The following NUDCD2 variants were observed in gnomAD, a reference collection of about 807,000 sequenced individuals.
The protein encoded by NUDCD2 is nudC domain-containing protein 2.
A neutral mutation model predicts 20.8 loss-of-function variants in NUDCD2; 16 were observed. The observed-to-expected ratio is 0.77, with a 90% CI of 0.52 to 1.17. The LOEUF (loss-of-function observed/expected upper bound fraction) is 1.17. Ranked by LOEUF, NUDCD2 falls within the 50% of genes most tolerant of loss-of-function variation. The pLI is 0.00. For synonymous variants in NUDCD2, 87 were observed against 72.8 expected (o/e 1.20, Z -1.00); for missense variants, 199 against 193.9 (o/e 1.03, Z -0.16).
At chr5:163,458,143 C>T (rs1309858275) in intron 1 of NUDCD2, among the ~76,000 whole-genome samples, 1 of 151,768 alleles carries the variant, frequency 6.6e-6, no homozygotes, top group African/African-American at 2.4e-5. Context: ...CCACCACGCC[C>T]GGCTAATTTT....
intron 1 of NUDCD2, among the ~76,000 whole-genome samples, chr5:163,457,948 G>C (rs977302586): frequency 6.7e-6 from 1 of 149,694 alleles, no homozygotes; most frequent in Non-Finnish European, 1.5e-5. Context: ...ACCACAAGAA[G>C]GGATCTCCTG....
At position 163,451,752 on chromosome 5, in the gene NUDCD2, T is replaced by C. The variant is rs1404643815; in HGVS notation, c.*2215A>G. On this transcript the variant is annotated 3_prime_UTR_variant, in exon 4 of 4. Transcript: ENST00000302764. ...TGAGGAAGACATTCATGTGGGGAGA[T>C]GACCTACAATAGAGAATCAGGCCAG... 6.6e-6 allele frequency: 1 copy of C among 152,096 alleles called. No homozygotes were observed. The highest frequency in any genetic ancestry group is 1.5e-5 in the Non-Finnish European group (1 of 68,054). 9.4% of individuals were successfully genotyped at this position (152,096 alleles called of 1,614,324 possible).
intron 1 of NUDCD2, chr5:163,459,436 C>T (rs534442170): frequency 6.6e-6 from 1 of 152,404 alleles, no homozygotes; most frequent in African/African-American, 2.4e-5. Flanking sequence ...GTTATTCTAT[C>T]CCTATTTTCT....
chr5:163,455,735 GAAA>G (rs80324793), intron 3 of NUDCD2, among the ~76,000 whole-genome samples: 2 of 108,806 alleles, frequency 1.8e-5, no homozygotes, highest in Admixed American at 9.6e-5. Context: ...CTCCATCTCA[GAAA>G]AAAAAAAAAA....
chr5:163,459,922 G>A lies in NUDCD2; in HGVS notation c.129C>T (p.Ile43=). 1.2e-6 allele frequency: 2 copies of A among 1,613,292 alleles called. No homozygotes were observed. The highest frequency in any genetic ancestry group is 4.5e-5 in the East Asian group (2 of 44,788). Reference sequence around the variant, plus strand: ...CATGCCGGCTCTGGAGGCCGCACTGGATATCCTGGGCGCGCGTGCCTGGCG... The same window carrying A: ...CATGCCGGCTCTGGAGGCCGCACTGAATATCCTGGGCGCGCGTGCCTGGCG... ...QVPPGTRAQD[I]QCGLQSRHVA... is the part of the protein sequence containing the mutation. The change falls in exon 1 of 4, where the codon ATC becomes ATT. Residue 43 remains isoleucine (I), a synonymous_variant. Transcript: ENST00000302764.
chr5:163,450,465 TA>T lies in NUDCD2; in HGVS notation c.*3501del. On this transcript the variant is annotated 3_prime_UTR_variant, in exon 4 of 4. Transcript: ENST00000302764. ...GTAAGAGACTTGTACCCAGAATATA[TA>T]AAGACTCTTACTACCCAATAAGACA... 1 of 152,186 alleles carries T rather than the reference TA, an allele frequency of 6.6e-6. No homozygotes were observed. The allele number at this position is 152,186 out of a possible 1,614,324, so 9.4% of individuals were successfully genotyped here. A position where few individuals can be genotyped will look rare whatever the true frequency, so the allele number is the denominator to read the frequency against.
Position 163,446,995 on chromosome 5 carries a change from G to A in NUDCD2, c.*6972C>T, listed in dbSNP as rs1030824902. On this transcript the variant is annotated 3_prime_UTR_variant, in exon 4 of 4. Coordinates refer to ENST00000302764, the MANE Select transcript of NUDCD2 (RefSeq NM_145266.6). ...CTCTCCAACCTGGGCAACAGAGTGA[G>A]GCTCTTGTCTCAAAAAATAAATTAA... 6.6e-6 allele frequency: 1 copy of A among 152,176 alleles called. No individual in the cohort carries two copies. The highest frequency in any genetic ancestry group is 1.5e-5 in the Non-Finnish European group (1 of 68,036). The allele number at this position is 152,176 out of a possible 1,614,324, so 9.4% of individuals were successfully genotyped here.
At chr5:163,454,124 A>G in intron 3 of NUDCD2, 74 bp from the exon 4 acceptor site, 1 of 677,316 alleles carries the variant, frequency 1.5e-6, no homozygotes, top group Non-Finnish European at 2.4e-6. Context: ...GGCAATTGAT[A>G]AAAAAGGATA....
chr5:163,459,693 T>C (rs866216281), intron 1 of NUDCD2, 169 bp downstream of exon 1: 15 of 505,112 alleles, frequency 3.0e-5, no homozygotes, highest in Non-Finnish European at 4.5e-5. Context: ...ACTCAGCACC[T>C]GCCCTGAAGA....
rs1758214008 is a variant in NUDCD2 at position 163,453,002 on chromosome 5, G to A, written c.*965C>T. ...GAAGTGAAGATCTGAGGATTAGAGG[G>A]TAGTAATGTGTCAACGTAAATTTCC... On this transcript the variant is annotated 3_prime_UTR_variant, in exon 4 of 4. Coordinates refer to ENST00000302764, the MANE Select transcript of NUDCD2 (RefSeq NM_145266.6). 1 of 152,122 alleles carries A rather than the reference G, an allele frequency of 6.6e-6. No homozygotes were observed. The highest frequency in any genetic ancestry group is 1.5e-5 in the Non-Finnish European group (1 of 68,014). 9.4% of individuals were successfully genotyped at this position (152,122 alleles called of 1,614,324 possible).
rs1758232632 is a variant in NUDCD2, at chr5:163,453,584, T to C, written c.*383A>G. On this transcript the variant is annotated 3_prime_UTR_variant, in exon 4 of 4. Transcript: ENST00000302764. Reference sequence around the variant, plus strand: ...GACAAAGGGGTACACAATTCCTATTTAGAAAATTTTATTGAATATCATACT... The same window carrying C: ...GACAAAGGGGTACACAATTCCTATTCAGAAAATTTTATTGAATATCATACT... 1 of 153,980 alleles carries C rather than the reference T, an allele frequency of 6.5e-6. No homozygotes were observed. The highest frequency in any genetic ancestry group is 1.4e-5 in the Non-Finnish European group (1 of 68,972). 9.5% of individuals were successfully genotyped at this position (153,980 alleles called of 1,614,324 possible). A position where few individuals can be genotyped will look rare whatever the true frequency, so the allele number is the denominator to read the frequency against.
chr5:163,460,083 G>A lies in NUDCD2; in HGVS notation c.-33C>T. The A allele has an allele frequency of 1.3e-6, 2 of 1,506,476 alleles. No homozygotes were observed. Among genetic ancestry groups the A allele is most frequent in the Non-Finnish European group, 1.8e-6 (2 of 1,128,328 alleles). 93.3% of individuals were successfully genotyped at this position (1,506,476 alleles called of 1,614,324 possible). A position where few individuals can be genotyped will look rare whatever the true frequency, so the allele number is the denominator to read the frequency against. On this transcript the variant is annotated 5_prime_UTR_variant, in exon 1 of 4. Coordinates refer to ENST00000302764, the MANE Select transcript of NUDCD2 (RefSeq NM_145266.6). ...TCCCTCCCGGCCGCGGCCGCACCAGGCGGAGCCGAGCGCACGCGCGGAATC... is the reference window on the plus strand; with the variant it reads ...TCCCTCCCGGCCGCGGCCGCACCAGACGGAGCCGAGCGCACGCGCGGAATC...
At position 163,457,603 on chromosome 5, in the gene NUDCD2, A is replaced by G; in HGVS notation, c.197T>C (p.Leu66Pro). ...CTCATCAGCTATTGTAGAATCAAAG[A>G]GTTTGCCCTGAAAAATAAACATATA... ...VGGREILKGK[L>P]FDSTIADEGT... The change falls in exon 2 of 4, where the codon CTC becomes CCC. Residue 66 changes from leucine to proline, a missense_variant. Physicochemically the swap from Leu to Pro is moderately conservative, Grantham distance 98. Transcript: ENST00000302764. The G allele has an allele frequency of 6.3e-7, 1 of 1,583,182 alleles. No individual in the cohort carries two copies. The highest frequency in any genetic ancestry group is 8.7e-7 in the Non-Finnish European group (1 of 1,152,416).
At position 163,459,886 on chromosome 5, in the gene NUDCD2, C is replaced by T. The variant is rs377306507; in HGVS notation, c.165G>A (p.Ser55=). Residue 55 remains serine, a synonymous_variant, in exon 1 of 4, where the codon TCG becomes TCA. Transcript: ENST00000302764. The part of the protein sequence containing the change: ...CGLQSRHVAL[S]VGGREILKGK... ...CCTTGAGGATCTCGCGGCCGCCCAC[C>T]GACAGCGCCACATGCCGGCTCTGGA... The T allele has an allele frequency of 1.2e-6, 2 of 1,607,724 alleles. No individual in the cohort carries two copies. The highest frequency in any genetic ancestry group is 3.4e-5 in the Admixed American group (2 of 58,744).
rs571380134 is a variant in NUDCD2 at position 163,453,126 on chromosome 5, G to A, written c.*841C>T. On this transcript the variant is annotated 3_prime_UTR_variant, in exon 4 of 4. Transcript: ENST00000302764. ...CTTCAACTAAATCACAAATGGTTCAGAAAGAAAAAAATTATCTGTAACTTT... is the reference window on the plus strand; with the variant it reads ...CTTCAACTAAATCACAAATGGTTCAAAAAGAAAAAAATTATCTGTAACTTT... 76 of 152,118 alleles carry A rather than the reference G, an allele frequency of 5.0e-4. 1 individual carries two copies. Among genetic ancestry groups the A allele is most frequent in the Admixed American group, 2.7e-3 (41 of 15,284 alleles). The allele number at this position is 152,118 out of a possible 1,614,324, so 9.4% of individuals were successfully genotyped here.
intron 3 of NUDCD2, among the ~76,000 whole-genome samples, chr5:163,454,899 A>G (rs756716018): frequency 7.2e-5 from 11 of 152,220 alleles, no homozygotes; most frequent in Non-Finnish European, 1.3e-4. Context: ...TAGCAGGAGG[A>G]GACAAACCAT....
chr5:163,448,577 T>A lies in NUDCD2; in HGVS notation c.*5390A>T, dbSNP rs1758101427. On this transcript the variant is annotated 3_prime_UTR_variant, in exon 4 of 4. Transcript: ENST00000302764. ...AAACATTTAAAGATATAACAAATTC[T>A]ACAAATCTCTTCCAGAAAGAATAAT... 1 of 152,198 alleles carries A rather than the reference T, an allele frequency of 6.6e-6. No homozygotes were observed. The allele number at this position is 152,198 out of a possible 1,614,324, so 9.4% of individuals were successfully genotyped here.
intron 1 of NUDCD2, chr5:163,458,855 T>C (rs1465070455): frequency 1.3e-5 from 2 of 152,358 alleles, no homozygotes; most frequent in African/African-American, 4.8e-5. Context: ...AAACTATGAA[T>C]TGTACAATTC....
rs942321156 is a variant in NUDCD2 at position 163,448,648 on chromosome 5, A to T, written c.*5319T>A. On this transcript the variant is annotated 3_prime_UTR_variant, in exon 4 of 4. Transcript: ENST00000302764. ...AAGACCAGAATTAACATGATACCAT[A>T]CCAAGATAAAGATAACACAAGGAAA... 1 of 152,218 alleles carries T rather than the reference A, an allele frequency of 6.6e-6. No homozygotes were observed. Among genetic ancestry groups the T allele is most frequent in the Non-Finnish European group, 1.5e-5 (1 of 68,038 alleles). 9.4% of individuals were successfully genotyped at this position (152,218 alleles called of 1,614,324 possible).
Sources: gnomAD v4.1 joint callset for allele counts (sites outside exome capture counted in the v4.1 genomes callset) on GRCh38, gnomAD v4.1.1 for gene constraint, MANE v1.5 for transcripts, NCBI Gene and HGNC (gene_info 2026-07-23, HGNC 2026-07-21) for gene names.